LAMB3: variants seen among roughly 807,000 people sequenced by gnomAD.
LAMB3 encodes the protein laminin subunit beta-3.
A neutral mutation model predicts 140.3 loss-of-function variants in LAMB3; 104 were observed. That is an observed-to-expected ratio of 0.74 (90% CI 0.63 to 0.87). The LOEUF (loss-of-function observed/expected upper bound fraction) is 0.87. Among genes scored for constraint, LAMB3 ranks in the 40% least tolerant of loss-of-function variants. The pLI is 0.00. For synonymous variants in LAMB3, 592 were observed against 602.9 expected (o/e 0.98, Z 0.26); for missense variants, 1,531 against 1,575.2 (o/e 0.97, Z 0.47).
chr1:209,645,862 A>G (rs1423841368), intron 3 of LAMB3, among the ~76,000 whole-genome samples: 1 of 152,158 alleles, frequency 6.6e-6, no homozygotes, highest in East Asian at 1.9e-4. Context: ...AAAACAGACA[A>G]CTGTCAAACA....
intron 8 of LAMB3, among the ~76,000 whole-genome samples, chr1:209,631,983 CT>C (rs1372899578): frequency 3.3e-5 from 5 of 152,228 alleles, no homozygotes. Context: ...TCTTCTCTAC[CT>C]GTGGTTCTCA....
intron 3 of LAMB3, among the ~76,000 whole-genome samples, chr1:209,645,533 T>G (rs1202934813): frequency 6.6e-6 from 1 of 151,978 alleles, no homozygotes; most frequent in Non-Finnish European, 1.5e-5. Flanking sequence ...CTGGCCAACA[T>G]GGTGAAACCC....
intron 1 of LAMB3, chr1:209,651,288 G>C (rs919972020): frequency 2.7e-6 from 1 of 370,180 alleles, no homozygotes; most frequent in East Asian, 5.8e-5. Context: ...CAGCCGTAAG[G>C]ACAACGTGGG....
chr1:209,625,372 A>C (rs781043223), intron 14 of LAMB3, among the ~76,000 whole-genome samples: 4 of 152,166 alleles, frequency 2.6e-5, no homozygotes, highest in Non-Finnish European at 5.9e-5. Flanking sequence ...GGCACTTAAA[A>C]GAACGCTGGG....
Position 209,645,722 on chromosome 1 carries a change from G to GAAAAAAA in LAMB3, c.183+4235_183+4241dup, listed in dbSNP as rs36106096. ...CAGAGCAAGACTCTGTGTCCCAGGG[G>GAAAAAAA]AAAAAAAAAAAAAAAAGCAGATATT... is the stretch of plus-strand genomic sequence containing the variant. On this transcript the variant is annotated intron_variant, in intron 3 of 22. Transcript: ENST00000356082. Among the ~76,000 whole-genome samples the GAAAAAAA allele has an allele frequency of 6.0e-4, 83 of 137,404 alleles. 4 individuals carry two copies. In the East Asian group the frequency reaches 6.8e-3, roughly 11 times the overall value. The allele number at this position is 137,404 out of a possible 152,430, so 90.1% of individuals were successfully genotyped here.
At chr1:209,627,108 G>C (rs552550244) in intron 12 of LAMB3, 130 bp from the exon 13 acceptor site, 85 of 779,866 alleles carry the variant, frequency 1.1e-4, no homozygotes, top group Non-Finnish European at 1.8e-4. Flanking sequence ...CAGAGCTGCT[G>C]TGCCCACAAA....
At position 209,650,960 on chromosome 1, in the gene LAMB3, T is replaced by A; in HGVS notation, c.-16A>T. 3 of 1,613,962 alleles carry A rather than the reference T, an allele frequency of 1.9e-6. No homozygotes were observed. The highest frequency in any genetic ancestry group is 2.5e-6 in the Non-Finnish European group (3 of 1,179,876). ...ATGGTCTCATCTTCAGCCAATGGGG[T>A]GATCCCCAGAAAGGACCTTTCCTAG... On this transcript the variant is annotated 5_prime_UTR_variant, in exon 2 of 23. Coordinates refer to ENST00000356082, the MANE Select transcript of LAMB3 (RefSeq NM_000228.3).
At position 209,623,179 on chromosome 1, in the gene LAMB3, G is replaced by A. The variant is rs940478971; in HGVS notation, c.2359C>T (p.Leu787Phe). ...GCCATCTGCCTGGAGTTGCCACAGA[G>A]CTGTGGACAGATGGCGGTGTTAAAG... ...LPDLTPTFNK[L>F]CGNSRQMACT... is the part of the protein sequence containing the mutation. Residue 787 changes from leucine (L) to phenylalanine (F), a missense_variant and splice_region_variant, in exon 17 of 23, where the codon CTC (leucine) becomes TTC (phenylalanine). Transcript: ENST00000356082. This position sits in a 1 kb window ranked among gnomAD's most constrained non-coding sequence, Gnocchi z 4.2. 3 of 1,614,168 alleles carry A rather than the reference G, an allele frequency of 1.9e-6. No individual in the cohort carries two copies. Among genetic ancestry groups the A allele is most frequent in the Non-Finnish European group, 2.5e-6 (3 of 1,179,998 alleles).
At chr1:209,634,220 C>T (rs923633887) in intron 6 of LAMB3, among the ~76,000 whole-genome samples, 2 of 152,054 alleles carry the variant, frequency 1.3e-5, no homozygotes, top group African/African-American at 4.8e-5. Context: ...GTGAGTAATG[C>T]GGTGGCCCCA....
At chr1:209,629,400 T>C (rs554936180) in intron 10 of LAMB3, among the ~76,000 whole-genome samples, 4 of 151,996 alleles carry the variant, frequency 2.6e-5, no homozygotes, top group Non-Finnish European at 5.9e-5. Flanking sequence ...GAAAAGGTGC[T>C]TTCATCCCTC....
rs1666544512 is a variant in LAMB3 at position 209,628,160 on chromosome 1, G to T, written c.1163C>A (p.Pro388Gln). The T allele has an allele frequency of 6.4e-7, 1 of 1,567,710 alleles. No homozygotes were observed. Residue 388 changes from proline (P) to glutamine (Q), a missense_variant, in exon 11 of 23, where the codon CCA (proline) becomes CAA (glutamine). Pro to Gln is a moderately conservative substitution (Grantham distance 76). Transcript: ENST00000356082. ...SCECDPDGAV[P>Q]GAPCDPVTGQ... ...GGTCACTGGGTCACAGGGAGCCCCTGGCACTGCCCCATCCGGATCACACTC... is the reference window on the plus strand; with the variant it reads ...GGTCACTGGGTCACAGGGAGCCCCTTGCACTGCCCCATCCGGATCACACTC...
chr1:209,636,731 T>C (rs1666906496), intron 5 of LAMB3, among the ~76,000 whole-genome samples: 2 of 152,182 alleles, frequency 1.3e-5, no homozygotes, highest in South Asian at 4.1e-4. Context: ...GGAATAAACA[T>C]TGCCCTTCCC....
In LAMB3 at chr1:209,628,176, G is replaced by A; in HGVS notation, c.1147C>T (p.Pro383Ser). 6.4e-7 allele frequency: 1 copy of A among 1,560,320 alleles called. No homozygotes were observed. Among genetic ancestry groups the A allele is most frequent in the Non-Finnish European group, 8.7e-7 (1 of 1,151,624 alleles). ...GGAGCCCCTGGCACTGCCCCATCCG[G>A]ATCACACTCGCAGGCTGAGAGACAA... is the stretch of plus-strand genomic sequence containing the variant. ...QETCISCECD[P>S]DGAVPGAPCD... is the part of the protein sequence containing the mutation. Residue 383 changes from proline to serine, a missense_variant, in exon 11 of 23, where the codon CCG becomes TCG. Pro to Ser is a moderately conservative substitution (Grantham distance 74). Coordinates refer to ENST00000356082, the MANE Select transcript of LAMB3 (RefSeq NM_000228.3).
intron 3 of LAMB3, among the ~76,000 whole-genome samples, chr1:209,638,921 A>G (rs923414335): frequency 1.3e-5 from 2 of 151,772 alleles, no homozygotes; most frequent in African/African-American, 4.8e-5. Flanking sequence ...GTGGGAAAAA[A>G]TACTTGAGTA....
chr1:209,632,967 T>C (rs146814529), intron 7 of LAMB3, 103 bp downstream of exon 7: 33 of 1,109,368 alleles, frequency 3.0e-5, no homozygotes, highest in African/African-American at 6.2e-5. Flanking sequence ...CCCAACCACG[T>C]TGACAAAAAC....
At chr1:209,641,043 A>T (rs1333648578) in intron 3 of LAMB3, among the ~76,000 whole-genome samples, 1 of 148,986 alleles carries the variant, frequency 6.7e-6, no homozygotes, top group African/African-American at 2.5e-5. Flanking sequence ...AGACCGTGCC[A>T]CTGCACTCCA....
chr1:209,628,496 G>A (rs1443062358), intron 10 of LAMB3, among the ~76,000 whole-genome samples: 1 of 152,072 alleles, frequency 6.6e-6, no homozygotes, highest in East Asian at 1.9e-4. Context: ...TCAGGAGTTC[G>A]AGACCAACCT....
chr1:209,627,087 A>G (rs1666488212), intron 12 of LAMB3, 109 bp from the exon 13 acceptor site: 1 of 848,172 alleles, frequency 1.2e-6, no homozygotes, highest in Non-Finnish European at 2.0e-6. Context: ...TCCAGGGCTC[A>G]TGGCCACCTC....
chr1:209,618,740 T>C (rs189428091), intron 18 of LAMB3, 81 bp from the exon 19 acceptor site: 230 of 1,372,064 alleles, frequency 1.7e-4, no homozygotes, highest in Non-Finnish European at 2.3e-4. Flanking sequence ...GAGCAGCACT[T>C]GTGGAAGGCA....
Sources: allele counts gnomAD v4.1 joint callset (sites outside exome capture counted in the v4.1 genomes callset), GRCh38; gene constraint gnomAD v4.1.1; non-coding constraint Gnocchi (gnomAD v3.1); transcripts MANE v1.5; gene names NCBI Gene and HGNC (gene_info 2026-07-23, HGNC 2026-07-21).